JMJD1C: variants seen among roughly 807,000 people sequenced by gnomAD.
JMJD1C encodes the protein jumonji domain-containing protein 1C.
In JMJD1C, 31 loss-of-function variants were observed where a neutral mutation model predicts 245.3. That is an observed-to-expected ratio of 0.13 (90% CI 0.09 to 0.17). JMJD1C has a LOEUF of 0.17. Among genes scored for constraint, JMJD1C ranks in the 10% least tolerant of loss-of-function variants. The pLI is 1.00. For synonymous variants in JMJD1C, 1,057 were observed against 1,017.4 expected, an observed-to-expected ratio of 1.04 and a Z score of -0.74; for missense variants, 2,691 against 3,000.2, an observed-to-expected ratio of 0.90 and a Z score of 2.41.
intron 1 of JMJD1C, among the ~76,000 whole-genome samples, chr10:63,452,926 A>C (rs986572178): frequency 1.3e-5 from 2 of 152,188 alleles, no homozygotes; most frequent in African/African-American, 4.8e-5. Flanking sequence ...AATGGATAGT[A>C]CTGATAATTT....
At chr10:63,420,714 C>CAAAAA (rs35090799) in intron 1 of JMJD1C, among the ~76,000 whole-genome samples, 2 of 47,692 alleles carry the variant, frequency 4.2e-5, no homozygotes, top group Non-Finnish European at 8.1e-5. Flanking sequence ...GACCCAGTCT[C>CAAAAA]AAAAAAAAAA....
chr10:63,192,732 AAAAC>A (rs1279822980), intron 16 of JMJD1C, among the ~76,000 whole-genome samples: 2 of 152,192 alleles, frequency 1.3e-5, no homozygotes, highest in African/African-American at 4.8e-5. Flanking sequence ...CAAAAAAACA[AAAAC>A]AAAAACAACA....
chr10:63,174,424 T>TA (rs1301561704), intron 24 of JMJD1C, among the ~76,000 whole-genome samples: 1 of 152,064 alleles, frequency 6.6e-6, no homozygotes, highest in African/African-American at 2.4e-5. Flanking sequence ...AAGCCAGACT[T>TA]AAAGGGTACA....
At chr10:63,447,448 T>A (rs1031966559) in intron 1 of JMJD1C, among the ~76,000 whole-genome samples, 1 of 152,234 alleles carries the variant, frequency 6.6e-6, no homozygotes, top group Non-Finnish European at 1.5e-5. Flanking sequence ...CCTTCATTTT[T>A]ATTTTTGTCT....
chr10:63,392,719 G>A (rs1948150386), intron 1 of JMJD1C, among the ~76,000 whole-genome samples: 1 of 151,242 alleles, frequency 6.6e-6, no homozygotes, highest in Admixed American at 6.6e-5. Flanking sequence ...CAGCTACTCG[G>A]GAGGCTGAAG....
chr10:63,214,061 A>C lies in JMJD1C; in HGVS notation c.2106T>G (p.Pro702=). The stretch of plus-strand genomic sequence containing the variant: ...AATGCTCATTTTTATCAATGATAAG[A>C]GGACTCTTTGTAGTTTCTAATGTAC... ...RSSTLETTKS[P]LIIDKNEHFT... Residue 702 remains proline, a synonymous_variant, in exon 8 of 26, where the codon CCT becomes CCG. Transcript: ENST00000399262. 1 of 1,614,128 alleles carries C rather than the reference A, an allele frequency of 6.2e-7. No homozygotes were observed. The highest frequency in any genetic ancestry group is 1.1e-5 in the South Asian group (1 of 91,086).
intron 2 of JMJD1C, among the ~76,000 whole-genome samples, chr10:63,309,575 T>A (rs1262837264): frequency 6.8e-6 from 1 of 147,170 alleles, no homozygotes; most frequent in Non-Finnish European, 1.5e-5. Context: ...TATAACTGTA[T>A]AACAGACCTA....
chr10:63,219,918 G>A lies in JMJD1C; in HGVS notation c.513C>T (p.Val171=), dbSNP rs1208945417. ...CCTGAACCTTTTGTTCCTTTACCCA[G>A]ACTTTCACTTCCTCATGAAGCTGCG... ...DNPQLHEEVK[V]WVKEQKVQEI... Residue 171 remains valine (V), a synonymous_variant, in exon 4 of 26, where the codon GTC becomes GTT. Transcript: ENST00000399262. The A allele has an allele frequency of 1.2e-6, 2 of 1,613,510 alleles. No homozygotes were observed. Among genetic ancestry groups the A allele is most frequent in the Admixed American group, 1.7e-5 (1 of 59,988 alleles).
intron 1 of JMJD1C, among the ~76,000 whole-genome samples, chr10:63,464,012 G>T (rs934629756): frequency 2.0e-5 from 3 of 151,834 alleles, no homozygotes; most frequent in South Asian, 4.2e-4. Context: ...CAGATGAGGG[G>T]GTCTCACCTA....
rs764696598 is a variant in JMJD1C at position 63,380,494 on chromosome 10, A to G, written c.169-12T>C. The G allele has an allele frequency of 6.3e-7, 1 of 1,596,484 alleles. No individual in the cohort carries two copies. The highest frequency in any genetic ancestry group is 1.1e-5 in the South Asian group (1 of 88,914). On this transcript the variant is annotated splice_polypyrimidine_tract_variant and intron_variant, in intron 1 of 25. Transcript: ENST00000399262. The stretch of plus-strand genomic sequence containing the variant: ...AATTCCACATACACCTATGAAAACA[A>G]AAACACAAAATTCAATTAGCAAAAT...
rs538322128 is a variant in JMJD1C at position 63,391,536 on chromosome 10, C to T, written c.169-11054G>A. Among the ~76,000 whole-genome samples, 6 of 143,760 alleles carry T rather than the reference C, an allele frequency of 4.2e-5. No individual in the cohort carries two copies. In the Admixed American group the frequency reaches 4.4e-4, roughly 10 times the overall value. The allele number at this position is 143,760 out of a possible 152,430, so 94.3% of individuals were successfully genotyped here. ...ACAACAACAACAACAACAACAACAA[C>T]AACAAAAAAGACAATTCCATTTATA... On this transcript the variant is annotated intron_variant, in intron 1 of 25. Coordinates refer to ENST00000399262, the MANE Select transcript of JMJD1C (RefSeq NM_032776.3).
intron 2 of JMJD1C, among the ~76,000 whole-genome samples, chr10:63,372,549 C>A (rs995933718): frequency 2.0e-5 from 3 of 152,160 alleles, no homozygotes; most frequent in African/African-American, 7.2e-5. Flanking sequence ...GGTGATTCTG[C>A]TTTCCTGTCC....
At chr10:63,455,198 TTTATGTTTCTGTGGTACCCAGTCAAAA>T (rs1403938064) in intron 1 of JMJD1C, among the ~76,000 whole-genome samples, 6 of 152,210 alleles carry the variant, frequency 3.9e-5, no homozygotes, top group Non-Finnish European at 7.3e-5. Flanking sequence ...AATATACTTC[TTTATGTTTCTGTGGTACCCAGTCAAAA>T]AAGTTAATAA....
chr10:63,454,732 G>A (rs1952298959), intron 1 of JMJD1C, among the ~76,000 whole-genome samples: 1 of 152,130 alleles, frequency 6.6e-6, no homozygotes, highest in South Asian at 2.1e-4. Flanking sequence ...CACCTAGCCT[G>A]ATTTTTCATT....
intron 1 of JMJD1C, among the ~76,000 whole-genome samples, chr10:63,454,204 T>C (rs1952254703): frequency 6.6e-6 from 1 of 152,158 alleles, no homozygotes; most frequent in Non-Finnish European, 1.5e-5. Context: ...ATATTAACCA[T>C]ATGTGTCAAC....
chr10:63,277,196 A>AT (rs1250670955), intron 2 of JMJD1C, among the ~76,000 whole-genome samples: 2 of 149,536 alleles, frequency 1.3e-5, no homozygotes, highest in Non-Finnish European at 3.0e-5. Flanking sequence ...AGTAATCTCT[A>AT]TTTTTTTATT....
chr10:63,292,992 C>G (rs7909282), intron 2 of JMJD1C, among the ~76,000 whole-genome samples: 1 of 151,950 alleles, frequency 6.6e-6, no homozygotes, highest in Non-Finnish European at 1.5e-5. Flanking sequence ...TGCAGTGAGC[C>G]GAGATCATGC....
intron 22 of JMJD1C, among the ~76,000 whole-genome samples, chr10:63,180,156 C>T (rs531778152): frequency 1.6e-4 from 25 of 152,190 alleles, no homozygotes; most frequent in Admixed American, 1.3e-3. Flanking sequence ...TACAGGCACC[C>T]GCCACCATGC....
intron 2 of JMJD1C, among the ~76,000 whole-genome samples, chr10:63,285,333 T>C (rs1857864474): frequency 6.6e-6 from 1 of 152,140 alleles, no homozygotes; most frequent in African/African-American, 2.4e-5. Context: ...CCGGAAAAGA[T>C]ACAGGGCTAA....
Sources: allele counts gnomAD v4.1 joint callset (sites outside exome capture counted in the v4.1 genomes callset), GRCh38; gene constraint gnomAD v4.1.1; transcripts MANE v1.5; gene names NCBI Gene and HGNC (gene_info 2026-07-23, HGNC 2026-07-21).